Variants in THSD7A observed in about 807,000 individuals in gnomAD.
The protein encoded by THSD7A is thrombospondin type-1 domain-containing protein 7A.
THSD7A carries 96 observed loss-of-function variants against 231.3 expected under a neutral mutation model. That is an observed-to-expected ratio of 0.41 (90% CI 0.35 to 0.49). The LOEUF is 0.49. Among genes scored for constraint, THSD7A ranks in the 20% least tolerant of loss-of-function variants. The probability of loss-of-function intolerance (pLI) is 0.05; values close to 1 mark genes in which losing one functional copy is unlikely to be tolerated. For synonymous variants in THSD7A, 940 were observed against 743.3 expected, an observed-to-expected ratio of 1.26 and a Z score of -4.30; for missense variants, 2,290 against 2,070.2, an observed-to-expected ratio of 1.11 and a Z score of -2.06.
At chr7:11,489,075 C>T (rs939002182) in intron 6 of THSD7A, among the ~76,000 whole-genome samples, 4 of 152,140 alleles carry the variant, frequency 2.6e-5, no homozygotes, top group Non-Finnish European at 4.4e-5. Context: ...CTCACCTTTA[C>T]TTCCATTAGC....
intron 1 of THSD7A, among the ~76,000 whole-genome samples, chr7:11,825,436 C>T (rs531127856): frequency 6.6e-6 from 1 of 152,166 alleles, no homozygotes; most frequent in South Asian, 2.1e-4. Context: ...GGAGTATCTA[C>T]TAGTCTGGTT....
chr7:11,407,452 A>G (rs1188303031), intron 19 of THSD7A, 29 bp from the exon 20 acceptor site: 2 of 1,551,578 alleles, frequency 1.3e-6, no homozygotes. Context: ...ATCAGGATGT[A>G]TATTGTAAAT....
At chr7:11,592,878 A>C (rs1282743298) in intron 3 of THSD7A, among the ~76,000 whole-genome samples, 1 of 152,066 alleles carries the variant, frequency 6.6e-6, no homozygotes, top group Non-Finnish European at 1.5e-5. Flanking sequence ...TATATAAATA[A>C]AATTGTATTG....
chr7:11,795,061 C>G (rs6968056), intron 1 of THSD7A, among the ~76,000 whole-genome samples: 125,851 of 151,848 alleles, frequency 0.83, 52,721 homozygotes, highest in African/African-American at 0.96. Flanking sequence ...AGAGGACTTA[C>G]AGGTGAGTTG....
intron 20 of THSD7A, 68 bp downstream of exon 20, chr7:11,407,238 A>G: frequency 6.8e-7 from 1 of 1,463,002 alleles, no homozygotes; most frequent in Non-Finnish European, 9.4e-7. Flanking sequence ...TATGGGTTAA[A>G]GCAAGAGGGA....
chr7:11,571,857 G>C (rs1020076536), intron 4 of THSD7A, among the ~76,000 whole-genome samples: 1 of 151,440 alleles, frequency 6.6e-6, no homozygotes, highest in Admixed American at 6.6e-5. Context: ...TCAGAAATTT[G>C]AGTATAGGGT....
rs55951004 is a variant in THSD7A at position 11,634,592 on chromosome 7, TAC to T, written c.1022+1536_1022+1537del. ...AATATACATGATACAGAATCAGAGGTACACACACACACACACACATACACACA... is the reference window on the plus strand; with the variant it reads ...AATATACATGATACAGAATCAGAGGTACACACACACACACACATACACACA... On this transcript the variant is annotated intron_variant, in intron 2 of 27. Transcript: ENST00000423059. This position sits in a 1 kb window ranked among gnomAD's most constrained non-coding sequence, Gnocchi z 4.1. 0.79 allele frequency among the ~76,000 whole-genome samples: 117,243 copies of T among 148,604 alleles called. 46,089 individuals carry two copies. Among genetic ancestry groups the T allele is most frequent in the East Asian group, 0.95 (4,829 of 5,094 alleles).
At chr7:11,827,567 C>G (rs1156387701) in intron 1 of THSD7A, among the ~76,000 whole-genome samples, 1 of 152,082 alleles carries the variant, frequency 6.6e-6, no homozygotes, top group African/African-American at 2.4e-5. Flanking sequence ...TTCTCTAGGT[C>G]TTCTCCCACT....
intron 4 of THSD7A, among the ~76,000 whole-genome samples, chr7:11,579,433 G>C (rs1041518214): frequency 4.6e-5 from 7 of 152,054 alleles, no homozygotes; most frequent in African/African-American, 1.7e-4. Context: ...ATTCCTCCTG[G>C]CGCTATCATT....
intron 23 of THSD7A, among the ~76,000 whole-genome samples, chr7:11,386,035 AG>A: frequency 6.6e-6 from 1 of 152,306 alleles, no homozygotes; most frequent in Admixed American, 6.5e-5. Context: ...GTCCCTGCAA[AG>A]GACATGAACT....
intron 2 of THSD7A, among the ~76,000 whole-genome samples, chr7:11,601,181 G>A (rs4719281): frequency 0.37 from 56,172 of 151,552 alleles, 11,686 homozygotes; most frequent in East Asian, 0.57. Flanking sequence ...TATTTTTTTC[G>A]TATTCATATG....
chr7:11,591,479 T>C (rs919541803), intron 3 of THSD7A, among the ~76,000 whole-genome samples: 2 of 152,078 alleles, frequency 1.3e-5, no homozygotes, highest in African/African-American at 4.8e-5. Flanking sequence ...CGAAGATGCT[T>C]CCTTAGTAAT....
Position 11,636,150 on chromosome 7 carries a change from C to A in THSD7A, c.1002G>T (p.Thr334=). 1 of 1,611,288 alleles carries A rather than the reference C, an allele frequency of 6.2e-7. No homozygotes were observed. Among genetic ancestry groups the A allele is most frequent in the East Asian group, 2.2e-5 (1 of 44,858 alleles). ...GTTACCTTAAATCAGCAGCTTTCCC[C>A]GTCTTGTTAATGCACATAACCTCTC... ...QTREVMCINK[T]GKAADLSFCQ... is the part of the protein sequence containing the mutation. The change falls in exon 2 of 28, where the codon ACG becomes ACT. Residue 334 remains threonine (T), a synonymous_variant. Coordinates refer to ENST00000423059, the MANE Select transcript of THSD7A (RefSeq NM_015204.3). The surrounding 1 kb of genome is among the most constrained non-coding windows in gnomAD (Gnocchi z 10.0).
At chr7:11,647,369 C>T (rs1210859804) in intron 1 of THSD7A, among the ~76,000 whole-genome samples, 1 of 151,928 alleles carries the variant, frequency 6.6e-6, no homozygotes, top group African/African-American at 2.4e-5. Flanking sequence ...AGTTTTAACC[C>T]GTATGTCTTG....
At chr7:11,382,657 C>T (rs541800272) in intron 23 of THSD7A, 41 bp from the exon 24 acceptor site, 2 of 1,428,622 alleles carry the variant, frequency 1.4e-6, no homozygotes, top group African/African-American at 2.8e-5. Flanking sequence ...CATTCTGTTA[C>T]CCAGAAGGAC....
At chr7:11,825,649 A>G (rs557688361) in intron 1 of THSD7A, among the ~76,000 whole-genome samples, 1 of 152,302 alleles carries the variant, frequency 6.6e-6, no homozygotes, top group East Asian at 1.9e-4. Context: ...CGTTACATGC[A>G]TTACCACATT....
At chr7:11,610,478 T>C (rs1478065662) in intron 2 of THSD7A, among the ~76,000 whole-genome samples, 2 of 152,024 alleles carry the variant, frequency 1.3e-5, no homozygotes, top group Middle Eastern at 3.2e-3. Flanking sequence ...CAGCTTACAG[T>C]TGATGAGATA....
At chr7:11,731,725 A>C (rs1781742053) in intron 1 of THSD7A, among the ~76,000 whole-genome samples, 1 of 151,728 alleles carries the variant, frequency 6.6e-6, no homozygotes, top group Non-Finnish European at 1.5e-5. Flanking sequence ...GAAATGATGG[A>C]GGAAATCAAG....
chr7:11,382,481 A>G, intron 24 of THSD7A, 40 bp downstream of exon 24: 1 of 1,472,996 alleles, frequency 6.8e-7, no homozygotes, highest in East Asian at 2.3e-5. Context: ...TGTGTGTTAC[A>G]GGAAGATTTT....
Sources: allele counts gnomAD v4.1 joint callset (sites outside exome capture counted in the v4.1 genomes callset), GRCh38; gene constraint gnomAD v4.1.1; non-coding constraint Gnocchi (gnomAD v3.1); transcripts MANE v1.5; gene names NCBI Gene and HGNC (gene_info 2026-07-23, HGNC 2026-07-21).